The following RBFOX1 variants were observed in gnomAD, a reference collection of about 807,000 sequenced individuals.
RBFOX1 encodes the protein RNA binding fox-1 homolog 1.
Under a neutral mutation model 57.7 loss-of-function variants are expected in RBFOX1, and 8 were observed. The ratio of observed to expected loss-of-function variants is 0.14; its 90% CI spans 0.08 to 0.25. RBFOX1 has a LOEUF of 0.25. RBFOX1 is among the 10% of genes least tolerant of loss of function. RBFOX1 has a pLI of 1.00. For synonymous variants in RBFOX1, 326 were observed against 222.4 expected, an observed-to-expected ratio of 1.47 and a Z score of -4.15; for missense variants, 611 against 548.5, an observed-to-expected ratio of 1.11 and a Z score of -1.14.
intron 3 of RBFOX1, among the ~76,000 whole-genome samples, chr16:6,797,357 CAG>C (rs1367653344): frequency 6.6e-6 from 1 of 152,030 alleles, no homozygotes; most frequent in Non-Finnish European, 1.5e-5. Flanking sequence ...CATTATGAAG[CAG>C]AGAGTGGAGA....
At chr16:6,375,691 T>G (rs2152903570) in intron 2 of RBFOX1, among the ~76,000 whole-genome samples, 1 of 152,230 alleles carries the variant, frequency 6.6e-6, no homozygotes, top group Non-Finnish European at 1.5e-5. Flanking sequence ...GAGGCGCATC[T>G]CACAGCGGAC....
chr16:5,781,546 C>G (rs924507880), intron 3 of RBFOX1, among the ~76,000 whole-genome samples: 1 of 152,200 alleles, frequency 6.6e-6, no homozygotes, highest in Non-Finnish European at 1.5e-5. Context: ...CTGTAAAGAT[C>G]CAAGCAGTAA....
chr16:7,574,874 C>G (rs2093172545), intron 5 of RBFOX1, among the ~76,000 whole-genome samples: 1 of 152,166 alleles, frequency 6.6e-6, no homozygotes, highest in Non-Finnish European at 1.5e-5. Flanking sequence ...TTTGAGGCCA[C>G]TCATCTTGAG....
At chr16:7,237,448 G>T (rs138285234) in intron 4 of RBFOX1, among the ~76,000 whole-genome samples, 3 of 152,266 alleles carry the variant, frequency 2.0e-5, no homozygotes, top group Admixed American at 6.5e-5. Flanking sequence ...TGCTCTAAAG[G>T]CTGCACAGAT....
intron 1 of RBFOX1, among the ~76,000 whole-genome samples, chr16:6,189,339 T>C (rs1014814172): frequency 9.9e-5 from 15 of 152,184 alleles, no homozygotes; most frequent in Admixed American, 5.2e-4. Flanking sequence ...CCGGAGTGCA[T>C]TCAAGAGTCT....
chr16:6,928,425 G>A (rs1055075930), intron 3 of RBFOX1, among the ~76,000 whole-genome samples: 1 of 152,100 alleles, frequency 6.6e-6, no homozygotes, highest in East Asian at 1.9e-4. Flanking sequence ...ATAATGAAGG[G>A]GTGAGCTGGC....
chr16:7,391,103 C>T (rs1165751108), intron 4 of RBFOX1, among the ~76,000 whole-genome samples: 1 of 152,066 alleles, frequency 6.6e-6, no homozygotes, highest in Non-Finnish European at 1.5e-5. Flanking sequence ...CTTAACTGAC[C>T]TTTTGCACTG....
rs34634402 is a variant in RBFOX1 at position 6,625,157 on chromosome 16, TAAAAAAAAA to T, written c.-63-29426_-63-29418del. On this transcript the variant is annotated intron_variant, in intron 2 of 15. Transcript: ENST00000550418. Reference sequence around the variant, plus strand: ...TCCATCCTCGGCCACCAACCCTATCTAAAAAAAAAAAAAAAAAAAAAAAAAAAAGGTATT... The same window carrying T: ...TCCATCCTCGGCCACCAACCCTATCTAAAAAAAAAAAAAAAAAAAGGTATT... Among the ~76,000 whole-genome samples the T allele has an allele frequency of 3.7e-3, 211 of 56,344 alleles. 1 individual carries two copies. Among genetic ancestry groups the T allele is most frequent in the Middle Eastern group, 0.02 (1 of 50 alleles). The allele number at this position is 56,344 out of a possible 152,430, so 37.0% of individuals were successfully genotyped here. A position where few individuals can be genotyped will look rare whatever the true frequency, so the allele number is the denominator to read the frequency against.
chr16:7,597,068 G>A (rs755952518), intron 8 of RBFOX1: 6 of 213,164 alleles, frequency 2.8e-5, no homozygotes, highest in East Asian at 1.1e-4. Context: ...TGGAGTACAC[G>A]CATGCTTTTA....
intron 4 of RBFOX1, among the ~76,000 whole-genome samples, chr16:7,403,921 A>G (rs1020187958): frequency 6.6e-6 from 1 of 150,376 alleles, no homozygotes; most frequent in African/African-American, 2.4e-5. Flanking sequence ...TTTTATATAT[A>G]TATATAACCT....
At chr16:7,614,595 G>C (rs2058113489) in intron 10 of RBFOX1, 1 of 152,170 alleles carries the variant, frequency 6.6e-6, no homozygotes, top group African/African-American at 2.4e-5. Flanking sequence ...CAAAAGCAGG[G>C]GGTGTCAAGG....
rs772199587 is a variant in RBFOX1 at position 5,657,658 on chromosome 16, T to TTTCTTTCTTTC, written c.318+58699_318+58700insCTTTCTTTCTT. Among the ~76,000 whole-genome samples the TTTCTTTCTTTC allele has an allele frequency of 3.6e-3, 460 of 126,190 alleles. 6 individuals are homozygous for TTTCTTTCTTTC. The highest frequency in any genetic ancestry group is 0.012 in the African/African-American group (398 of 32,854). 82.8% of individuals were successfully genotyped at this position (126,190 alleles called of 152,430 possible). On this transcript the variant is annotated intron_variant, in intron 3 of 19. Transcript: ENST00000641259. ...TTTCTTTCTTTCTTTCTTTCTTTTC[T>TTTCTTTCTTTC]TTTCTTTCTTTCTTTTCTTTTCTTT... is the stretch of plus-strand genomic sequence containing the variant.
At chr16:6,991,210 G>GAATT (rs2091388924) in intron 3 of RBFOX1, among the ~76,000 whole-genome samples, 1 of 150,134 alleles carries the variant, frequency 6.7e-6, no homozygotes, top group Non-Finnish European at 1.5e-5. Flanking sequence ...TGAGGCAGGA[G>GAATT]AATTACTTGA....
intron 3 of RBFOX1, among the ~76,000 whole-genome samples, chr16:6,966,758 T>A (rs1285555039): frequency 5.9e-5 from 4 of 67,582 alleles, no homozygotes; most frequent in Non-Finnish European, 1.2e-4. Flanking sequence ...TATCTGTCTG[T>A]CTGTCTATCT....
intron 1 of RBFOX1, among the ~76,000 whole-genome samples, chr16:6,293,930 T>C (rs1404822743): frequency 7.5e-6 from 1 of 133,528 alleles, no homozygotes; most frequent in Non-Finnish European, 1.7e-5. Context: ...TTGCAGGAAT[T>C]TTTACTGTAA....
intron 1 of RBFOX1, among the ~76,000 whole-genome samples, chr16:6,211,820 TTTTATTTATTTA>T (rs200566514): frequency 2.6e-3 from 360 of 140,866 alleles, no homozygotes; most frequent in African/African-American, 6.6e-3. Context: ...GGAATACATC[TTTTATTTATTTA>T]TTTATTTATT....
At chr16:6,828,598 T>C (rs2092426088) in intron 3 of RBFOX1, among the ~76,000 whole-genome samples, 2 of 151,730 alleles carry the variant, frequency 1.3e-5, no homozygotes, top group African/African-American at 4.8e-5. Context: ...AAACCGGGCA[T>C]GGACCAAGCT....
chr16:6,003,302 A>G (rs1286660948), intron 4 of RBFOX1, among the ~76,000 whole-genome samples: 1 of 149,806 alleles, frequency 6.7e-6, no homozygotes, highest in Non-Finnish European at 1.5e-5. Flanking sequence ...AAAAAAAGCA[A>G]TGAGAGGGAA....
intron 3 of RBFOX1, among the ~76,000 whole-genome samples, chr16:6,707,289 G>A (rs2062918942): frequency 6.6e-6 from 1 of 152,154 alleles, no homozygotes; most frequent in African/African-American, 2.4e-5. Flanking sequence ...TTCTGAAAGT[G>A]AGGCTGAGAC....
Sources: allele counts gnomAD v4.1 joint callset (sites outside exome capture counted in the v4.1 genomes callset), GRCh38; gene constraint gnomAD v4.1.1; transcripts MANE v1.5; gene names NCBI Gene and HGNC (gene_info 2026-07-23, HGNC 2026-07-21).